The following CPNE4 variants were observed in gnomAD, a reference collection of about 807,000 sequenced individuals.
The protein encoded by CPNE4 is copine 4, also known as copine-4.
A neutral mutation model predicts 67.9 loss-of-function variants in CPNE4; 25 were observed. That is an observed-to-expected ratio of 0.37 (90% CI 0.27 to 0.51). The LOEUF (loss-of-function observed/expected upper bound fraction) is 0.51. CPNE4 is among the 20% of genes least tolerant of loss of function. The probability of loss-of-function intolerance (pLI) is 0.93; values close to 1 mark genes in which losing one functional copy is unlikely to be tolerated. For synonymous variants in CPNE4, 242 were observed against 244.9 expected (o/e 0.99, Z 0.11); for missense variants, 464 against 690.8 (o/e 0.67, Z 3.68).
chr3:131,804,219 T>C (rs2084229456), intron 2 of CPNE4, among the ~76,000 whole-genome samples: 1 of 152,118 alleles, frequency 6.6e-6, no homozygotes. Context: ...GGTTTAATCA[T>C]TACCAACCTG....
At chr3:131,959,938 G>A (rs777310494) in intron 1 of CPNE4, among the ~76,000 whole-genome samples, 2 of 152,056 alleles carry the variant, frequency 1.3e-5, no homozygotes, top group Admixed American at 6.5e-5. Context: ...ATACTAAAAC[G>A]CTACTGCAAA....
At chr3:131,790,886 C>G (rs1429949614) in intron 2 of CPNE4, among the ~76,000 whole-genome samples, 1 of 152,046 alleles carries the variant, frequency 6.6e-6, no homozygotes, top group Non-Finnish European at 1.5e-5. Context: ...GAATTTTAGC[C>G]TAATACAATA....
chr3:131,905,993 T>C (rs1247317985), intron 1 of CPNE4, among the ~76,000 whole-genome samples: 2 of 152,128 alleles, frequency 1.3e-5, no homozygotes, highest in African/African-American at 2.4e-5. Context: ...GCCCAGCATC[T>C]GAATCCCTGT....
chr3:131,689,978 A>T (rs1235690889), intron 5 of CPNE4, among the ~76,000 whole-genome samples: 1 of 152,138 alleles, frequency 6.6e-6, no homozygotes, highest in African/African-American at 2.4e-5. Context: ...GAATACATCT[A>T]ACCAAAGAGG....
At chr3:131,779,563 A>C (rs2083381991) in intron 2 of CPNE4, among the ~76,000 whole-genome samples, 1 of 152,056 alleles carries the variant, frequency 6.6e-6, no homozygotes, top group Admixed American at 6.6e-5. Context: ...CAACAAAGCC[A>C]ACAATAGCAA....
intron 2 of CPNE4, among the ~76,000 whole-genome samples, chr3:131,895,083 T>A (rs367824542): frequency 2.6e-5 from 4 of 152,198 alleles, no homozygotes; most frequent in South Asian, 4.1e-4. Context: ...CCTGGAGAAC[T>A]TCATATTAAG....
rs1935036078 is a variant in CPNE4, at chr3:131,534,617, A to G, written c.*578T>C. The stretch of plus-strand genomic sequence containing the variant: ...GGCTAGATGACCCAGACTTACCTCA[A>G]AAAGACTCACCTCAGAAAGAAGAAG... On this transcript the variant is annotated 3_prime_UTR_variant, in exon 16 of 16. Coordinates refer to ENST00000429747, the MANE Select transcript of CPNE4 (RefSeq NM_130808.3). 1 of 152,244 alleles carries G rather than the reference A, an allele frequency of 6.6e-6. No homozygotes were observed. Among genetic ancestry groups the G allele is most frequent in the Non-Finnish European group, 1.5e-5 (1 of 68,058 alleles). 9.4% of individuals were successfully genotyped at this position (152,244 alleles called of 1,614,324 possible).
intron 7 of CPNE4, among the ~76,000 whole-genome samples, chr3:131,637,625 A>G (rs893189523): frequency 3.3e-5 from 5 of 152,246 alleles, no homozygotes; most frequent in Admixed American, 1.3e-4. Flanking sequence ...ATCTGAGGGA[A>G]TAATTGAGAA....
intron 1 of CPNE4, among the ~76,000 whole-genome samples, chr3:132,007,009 C>T (rs2073626841): frequency 6.6e-6 from 1 of 152,158 alleles, no homozygotes. Context: ...ATGACAGCTG[C>T]TCATTTCTGC....
At chr3:131,602,615 C>T (rs769737632) in intron 7 of CPNE4, among the ~76,000 whole-genome samples, 7 of 152,124 alleles carry the variant, frequency 4.6e-5, no homozygotes, top group East Asian at 1.9e-4. Flanking sequence ...AAATGCTTGT[C>T]CAAACCTTTT....
chr3:131,655,813 T>G (rs1261815372), intron 7 of CPNE4, among the ~76,000 whole-genome samples: 2 of 152,180 alleles, frequency 1.3e-5, no homozygotes, highest in East Asian at 1.9e-4. Flanking sequence ...ATTAAAAATC[T>G]CATTGCTTAA....
intron 2 of CPNE4, among the ~76,000 whole-genome samples, chr3:131,900,083 A>G (rs1374188821): frequency 6.6e-6 from 1 of 152,106 alleles, no homozygotes; most frequent in Non-Finnish European, 1.5e-5. Flanking sequence ...AGAAAATGAA[A>G]AACAGTGGAG....
At chr3:131,822,053 C>T (rs546913196) in intron 2 of CPNE4, among the ~76,000 whole-genome samples, 1 of 152,024 alleles carries the variant, frequency 6.6e-6, no homozygotes, top group East Asian at 1.9e-4. Context: ...TCCTAATAAC[C>T]AAGGTAGAGA....
At chr3:131,970,696 A>T (rs1241913052) in intron 1 of CPNE4, among the ~76,000 whole-genome samples, 4 of 152,186 alleles carry the variant, frequency 2.6e-5, no homozygotes, top group African/African-American at 9.6e-5. Flanking sequence ...ATACCTCCAG[A>T]GTTAAACAGC....
chr3:131,919,399 G>A (rs1348117398), intron 1 of CPNE4, among the ~76,000 whole-genome samples: 6 of 152,150 alleles, frequency 3.9e-5, no homozygotes, highest in Non-Finnish European at 5.9e-5. Context: ...TTTGATACAC[G>A]TGCCAATATG....
chr3:131,689,873 G>A (rs1235719863), intron 5 of CPNE4, among the ~76,000 whole-genome samples: 2 of 152,042 alleles, frequency 1.3e-5, no homozygotes, highest in Non-Finnish European at 2.9e-5. Context: ...CGAATACAAA[G>A]TCAATGTGCA....
chr3:131,603,020 AG>A (rs200647075), intron 7 of CPNE4, among the ~76,000 whole-genome samples: 20,114 of 152,050 alleles, frequency 0.13, 1,879 homozygotes, highest in African/African-American at 0.26. Flanking sequence ...TGAAATTATA[AG>A]TATCTCTCCT....
Position 131,600,746 on chromosome 3 carries a change from G to C in CPNE4, c.682-13164C>G, listed in dbSNP as rs534915121. On this transcript the variant is annotated intron_variant, in intron 7 of 15. Transcript: ENST00000429747. Reference sequence around the variant, plus strand: ...AGCAGCATGTGTCCAGACTAATAAGGCTTCCTCTAATCCTGAAACTCAGAC... The same window carrying C: ...AGCAGCATGTGTCCAGACTAATAAGCCTTCCTCTAATCCTGAAACTCAGAC... 2.6e-5 allele frequency among the ~76,000 whole-genome samples: 4 copies of C among 152,210 alleles called. No homozygotes were observed. In the South Asian group the frequency reaches 6.2e-4, roughly 24 times the overall value.
intron 2 of CPNE4, among the ~76,000 whole-genome samples, chr3:131,890,116 C>T (rs55968055): frequency 0.22 from 32,730 of 151,554 alleles, 4,462 homozygotes; most frequent in South Asian, 0.35. Context: ...AGTTTATGCG[C>T]GACACAGAAA....
Sources: allele counts gnomAD v4.1 joint callset (sites outside exome capture counted in the v4.1 genomes callset), GRCh38; gene constraint gnomAD v4.1.1; transcripts MANE v1.5; gene names NCBI Gene and HGNC (gene_info 2026-07-23, HGNC 2026-07-21).